Variants in TBC1D31 observed in about 807,000 individuals in gnomAD.
TBC1D31 encodes the protein TBC1 domain family member 31, also known as WD repeat domain 67.
Under a neutral mutation model 132.9 loss-of-function variants are expected in TBC1D31, and 99 were observed. The ratio of observed to expected loss-of-function variants is 0.74; its 90% CI spans 0.63 to 0.88. The LOEUF is 0.88. Among genes scored for constraint, TBC1D31 ranks in the 40% least tolerant of loss-of-function variants. The pLI is 0.00. For missense variants in TBC1D31, 1,134 were observed against 1,256.6 expected, an observed-to-expected ratio of 0.90 and a Z score of 1.48; for synonymous variants, 385 against 419.4, an observed-to-expected ratio of 0.92 and a Z score of 1.00.
rs193008417 is a variant in TBC1D31, at chr8:123,138,503, G to T, written c.2500-2258G>T. Among the ~76,000 whole-genome samples, 149 of 152,228 alleles carry T rather than the reference G, an allele frequency of 9.8e-4. 1 individual carries two copies. The highest frequency in any genetic ancestry group is 2.5e-4 in the Non-Finnish European group (17 of 67,990). ...TGAGATTATTTGGTACATACAATTT[G>T]TGTTTGGCTTTTTTAACCTACATTT... On this transcript the variant is annotated intron_variant, in intron 17 of 21. Transcript: ENST00000287380.
At chr8:123,150,346 A>C (rs1416235358) in intron 21 of TBC1D31, among the ~76,000 whole-genome samples, 1 of 152,234 alleles carries the variant, frequency 6.6e-6, no homozygotes, top group Non-Finnish European at 1.5e-5. Context: ...TGCTGAATCC[A>C]CTAAAGCCAC....
chr8:123,106,622 G>T (rs1188488337), intron 8 of TBC1D31, among the ~76,000 whole-genome samples: 1 of 152,130 alleles, frequency 6.6e-6, no homozygotes, highest in Non-Finnish European at 1.5e-5. Flanking sequence ...CAAATCAGTG[G>T]GGACTATTGT....
intron 21 of TBC1D31, among the ~76,000 whole-genome samples, chr8:123,150,493 A>G (rs1283162550): frequency 6.6e-6 from 1 of 152,244 alleles, no homozygotes; most frequent in East Asian, 1.9e-4. Flanking sequence ...GTTGTTTTTC[A>G]AAGCTATTGC....
intron 3 of TBC1D31, 108 bp downstream of exon 3, chr8:123,082,925 C>A: frequency 1.4e-6 from 1 of 696,782 alleles, no homozygotes; most frequent in Non-Finnish European, 2.4e-6. Context: ...CCATGACAGC[C>A]CTCCCTTCAG....
intron 11 of TBC1D31, among the ~76,000 whole-genome samples, chr8:123,125,030 T>C (rs1408134434): frequency 6.6e-6 from 1 of 152,134 alleles, no homozygotes; most frequent in Non-Finnish European, 1.5e-5. Context: ...ACTTCATTAT[T>C]AACTCAAATT....
the TBC1D31 span, among the ~76,000 whole-genome samples, chr8:123,158,545 G>A: frequency 6.6e-6 from 1 of 152,102 alleles, no homozygotes; most frequent in Non-Finnish European, 1.5e-5. Context: ...GGACCTAGGT[G>A]GGTGTGCGGA....
intron 1 of TBC1D31, chr8:123,074,972 A>T (rs1033654467): frequency 6.6e-6 from 1 of 152,262 alleles, no homozygotes; most frequent in South Asian, 2.1e-4. Flanking sequence ...TAAATTTTTT[A>T]CGTGTGATTT....
intron 8 of TBC1D31, among the ~76,000 whole-genome samples, chr8:123,109,033 G>A (rs1184427007): frequency 6.6e-6 from 1 of 152,198 alleles, no homozygotes; most frequent in Admixed American, 6.5e-5. Context: ...AATTCAAGAT[G>A]AGATTTGGGT....
chr8:123,143,289 C>T (rs779939208), intron 19 of TBC1D31, among the ~76,000 whole-genome samples: 51 of 152,186 alleles, frequency 3.4e-4, no homozygotes, highest in Non-Finnish European at 6.3e-4. Context: ...GTATTCTTCA[C>T]AGGGAGCATT....
intron 5 of TBC1D31, among the ~76,000 whole-genome samples, chr8:123,094,788 G>C (rs1293317459): frequency 6.6e-6 from 1 of 152,106 alleles, no homozygotes; most frequent in East Asian, 1.9e-4. Context: ...TGATCCGCCT[G>C]CCTCAGCCTC....
chr8:123,084,496 C>T (rs1223108213), intron 4 of TBC1D31, among the ~76,000 whole-genome samples, 156 bp downstream of exon 4: 1 of 152,162 alleles, frequency 6.6e-6, no homozygotes, highest in Non-Finnish European at 1.5e-5. Context: ...AAAGATGTTG[C>T]CTATAGCTAC....
At chr8:123,153,265 T>C (rs1355574577), downstream of TBC1D31, among the ~76,000 whole-genome samples, 3 of 152,216 alleles carry the variant, frequency 2.0e-5, no homozygotes, top group Non-Finnish European at 2.9e-5. Flanking sequence ...TCTAAAATTC[T>C]GTGGTTCTGC....
At chr8:123,126,448 C>T in intron 12 of TBC1D31, 60 bp from the exon 13 acceptor site, 2 of 1,446,240 alleles carry the variant, frequency 1.4e-6, no homozygotes, top group African/African-American at 1.4e-5. Flanking sequence ...GGAATATTAC[C>T]AATGACTCCC....
chr8:123,119,491 G>A (rs568118961), intron 10 of TBC1D31, among the ~76,000 whole-genome samples: 2 of 152,132 alleles, frequency 1.3e-5, no homozygotes, highest in Admixed American at 6.5e-5. Context: ...CGGGAAGATC[G>A]CTTGAGCCCA....
chr8:123,128,173 AT>A (rs61061621), intron 13 of TBC1D31, 107 bp from the exon 14 acceptor site: 97,836 of 531,768 alleles, frequency 0.18, 9,292 homozygotes, highest in South Asian at 0.22. Context: ...TTGCAAAAAA[AT>A]ATATATTCTT....
At chr8:123,116,972 A>C (rs116862272) in intron 10 of TBC1D31, among the ~76,000 whole-genome samples, 2,927 of 152,298 alleles carry the variant, frequency 0.019, 38 homozygotes, top group Non-Finnish European at 0.028. Context: ...CCACGGTGAT[A>C]ATTGTTGGAG....
chr8:123,132,674 A>G (rs1820746269), intron 16 of TBC1D31, among the ~76,000 whole-genome samples: 1 of 152,094 alleles, frequency 6.6e-6, no homozygotes. Context: ...TTGGCCTCCC[A>G]AAGTGCTGGG....
the TBC1D31 span, among the ~76,000 whole-genome samples, chr8:123,159,881 TA>T: frequency 1.3e-5 from 2 of 151,960 alleles, no homozygotes; most frequent in Non-Finnish European, 2.9e-5. Flanking sequence ...AGACTCTTTT[TA>T]AAAAAAATAC....
chr8:123,077,824 G>A (rs935067909), intron 2 of TBC1D31, among the ~76,000 whole-genome samples: 24 of 152,092 alleles, frequency 1.6e-4, no homozygotes, highest in African/African-American at 4.8e-4. Context: ...CAAGGCGGGC[G>A]GATCGCTTGA....
Sources: allele counts gnomAD v4.1 joint callset (sites outside exome capture counted in the v4.1 genomes callset), GRCh38; gene constraint gnomAD v4.1.1; transcripts MANE v1.5; gene names NCBI Gene and HGNC (gene_info 2026-07-23, HGNC 2026-07-21).